Variants in LPIN2 observed in about 807,000 individuals in gnomAD.
The protein encoded by LPIN2 is phosphatidate phosphatase LPIN2.
A neutral mutation model predicts 111.4 loss-of-function variants in LPIN2; 55 were observed. The ratio of observed to expected loss-of-function variants is 0.49; its 90% CI spans 0.40 to 0.62. The LOEUF (loss-of-function observed/expected upper bound fraction) is 0.62. Among genes scored for constraint, LPIN2 ranks in the 20% least tolerant of loss-of-function variants. The pLI, the probability that LPIN2 is intolerant of heterozygous loss-of-function variation, is 0.00. For synonymous variants in LPIN2, 425 were observed against 414.0 expected (o/e 1.03, Z -0.32); for missense variants, 992 against 1,112.1 (o/e 0.89, Z 1.54).
chr18:2,960,187 T>C (rs2077689689), intron 2 of LPIN2, among the ~76,000 whole-genome samples: 1 of 145,438 alleles, frequency 6.9e-6, no homozygotes, highest in Admixed American at 6.7e-5. Context: ...TGTGTGTGTG[T>C]GTGTGTGTGT....
chr18:3,010,430 A>G (rs903983542), intron 1 of LPIN2, among the ~76,000 whole-genome samples: 1 of 152,160 alleles, frequency 6.6e-6, no homozygotes, highest in Admixed American at 6.5e-5. Context: ...TTTCATCATG[A>G]AGGAGGCAAA....
intron 8 of LPIN2, among the ~76,000 whole-genome samples, chr18:2,932,144 G>A (rs906874187): frequency 1.3e-5 from 2 of 152,216 alleles, no homozygotes; most frequent in Admixed American, 1.3e-4. Context: ...CTTATGCAAT[G>A]AAGTGTAAAT....
chr18:2,931,962 G>A (rs2077218375), intron 8 of LPIN2, among the ~76,000 whole-genome samples: 1 of 152,084 alleles, frequency 6.6e-6, no homozygotes, highest in Admixed American at 6.6e-5. Context: ...GAAGGAAGGA[G>A]AAATTAAACG....
intron 8 of LPIN2, 39 bp downstream of exon 8, chr18:2,934,312 A>G (rs2077254363): frequency 7.4e-7 from 1 of 1,358,440 alleles, no homozygotes; most frequent in South Asian, 1.2e-5. Context: ...TAACTAGACT[A>G]TTTCAGAGCT....
At chr18:2,966,924 A>ACC (rs2077813493) in intron 1 of LPIN2, 3 of 152,192 alleles carry the variant, frequency 2.0e-5, no homozygotes, top group Non-Finnish European at 4.4e-5. Flanking sequence ...AGGAGGGAAG[A>ACC]GAGACACCAG....
At chr18:2,958,146 AAAAAAAAAAAACAAC>A (rs1290786431) in intron 2 of LPIN2, among the ~76,000 whole-genome samples, 2,658 of 120,594 alleles carry the variant, frequency 0.022, 493 homozygotes, top group Non-Finnish European at 0.033. Context: ...CATCTCAAAA[AAAAAAAAAAAACAAC>A]AAAAAAAAAA....
chr18:2,930,778 C>T (rs1203415658), intron 9 of LPIN2, among the ~76,000 whole-genome samples: 1 of 152,236 alleles, frequency 6.6e-6, no homozygotes, highest in Admixed American at 6.5e-5. Context: ...GGCCAACCCT[C>T]CAGCCTTATA....
At chr18:2,930,661 T>C (rs186792706) in intron 9 of LPIN2, among the ~76,000 whole-genome samples, 231 of 152,284 alleles carry the variant, frequency 1.5e-3, no homozygotes, top group Non-Finnish European at 2.6e-3. Context: ...TAAAAAAAAA[T>C]GCTGATGAAT....
chr18:2,931,973 A>T (rs962806347), intron 8 of LPIN2, among the ~76,000 whole-genome samples: 1 of 152,228 alleles, frequency 6.6e-6, no homozygotes, highest in Admixed American at 6.5e-5. Context: ...AAATTAAACG[A>T]GCAAATTCTC....
intron 1 of LPIN2, among the ~76,000 whole-genome samples, chr18:2,977,524 G>C (rs111668536): frequency 0.013 from 1,958 of 152,298 alleles, 44 homozygotes; most frequent in African/African-American, 0.044. Context: ...AAAAGTGGTT[G>C]ATTCATTCCA....
intron 1 of LPIN2, among the ~76,000 whole-genome samples, chr18:2,988,287 G>C (rs1254369070): frequency 6.6e-6 from 1 of 152,018 alleles, no homozygotes; most frequent in Non-Finnish European, 1.5e-5. Flanking sequence ...TGCTCTTCAG[G>C]AGAAACGGCA....
intron 12 of LPIN2, 28 bp from the exon 13 acceptor site, chr18:2,926,833 A>G: frequency 6.3e-7 from 1 of 1,592,668 alleles, no homozygotes; most frequent in Non-Finnish European, 8.6e-7. Context: ...TAATGGCAAC[A>G]TGCAATTTTT....
chr18:2,923,934 A>G (rs1419175758), intron 15 of LPIN2, 73 bp from the exon 16 acceptor site: 1 of 1,197,854 alleles, frequency 8.3e-7, no homozygotes, highest in East Asian at 2.3e-5. Flanking sequence ...TTGGTTGACT[A>G]TCAGCTGCCA....
At chr18:2,940,150 ACT>A (rs1273930106) in intron 5 of LPIN2, among the ~76,000 whole-genome samples, 3 of 99,128 alleles carry the variant, frequency 3.0e-5, no homozygotes, top group East Asian at 3.1e-4. Flanking sequence ...AAATAGCGAG[ACT>A]CTGTCTCTAC....
At chr18:2,991,901 T>C (rs2078270923) in intron 1 of LPIN2, among the ~76,000 whole-genome samples, 3 of 151,734 alleles carry the variant, frequency 2.0e-5, no homozygotes, top group African/African-American at 4.8e-5. Flanking sequence ...TCCCAGCTAC[T>C]TGGGAGGCTG....
intron 1 of LPIN2, chr18:2,967,480 G>C (rs1016169873): frequency 1.6e-4 from 24 of 152,260 alleles, no homozygotes; most frequent in Non-Finnish European, 3.2e-4. Context: ...GCTTCTCCCC[G>C]GTCAGGGAGG....
In LPIN2 at chr18:2,917,202, A is replaced by G. The variant is rs1171674211; in HGVS notation, c.*3091T>C. On this transcript the variant is annotated 3_prime_UTR_variant, in exon 20 of 20. Coordinates refer to ENST00000677752, the MANE Select transcript of LPIN2 (RefSeq NM_001375808.2). Reference sequence around the variant, plus strand: ...TCAAATACTTCATCATAGGCTGAACATAATTATTAAAAGAGCAAAGTTTCC... The same window carrying G: ...TCAAATACTTCATCATAGGCTGAACGTAATTATTAAAAGAGCAAAGTTTCC... The G allele has an allele frequency of 4.6e-5, 7 of 152,260 alleles. No homozygotes were observed. Among genetic ancestry groups the G allele is most frequent in the African/African-American group, 1.7e-4 (7 of 41,474 alleles). The allele number at this position is 152,260 out of a possible 1,614,324, so 9.4% of individuals were successfully genotyped here. A position where few individuals can be genotyped will look rare whatever the true frequency, so the allele number is the denominator to read the frequency against.
At chr18:2,992,219 T>C (rs147359278) in intron 1 of LPIN2, among the ~76,000 whole-genome samples, 1 of 152,250 alleles carries the variant, frequency 6.6e-6, no homozygotes. Flanking sequence ...ATTCATACAA[T>C]GGAATATCAT....
At chr18:2,945,729 C>G (rs1472807162) in intron 4 of LPIN2, 2 of 1,221,068 alleles carry the variant, frequency 1.6e-6, no homozygotes, top group Non-Finnish European at 2.4e-6. Flanking sequence ...TTCCTTCTCT[C>G]CTTCAAATAC....
Sources: allele counts gnomAD v4.1 joint callset (sites outside exome capture counted in the v4.1 genomes callset), GRCh38; gene constraint gnomAD v4.1.1; transcripts MANE v1.5; gene names NCBI Gene and HGNC (gene_info 2026-07-23, HGNC 2026-07-21).